GLB1: variants seen among roughly 807,000 people sequenced by gnomAD.
GLB1 encodes the protein beta-galactosidase.
A neutral mutation model predicts 74.0 loss-of-function variants in GLB1; 56 were observed. That is an observed-to-expected ratio of 0.76 (90% CI 0.61 to 0.94). GLB1 has a LOEUF of 0.94. GLB1 is among the 40% of genes least tolerant of loss of function. The probability of loss-of-function intolerance (pLI) is 0.00; values close to 1 mark genes in which losing one functional copy is unlikely to be tolerated. For missense variants in GLB1, 787 were observed against 845.5 expected (o/e 0.93, Z 0.86); for synonymous variants, 323 against 323.6 (o/e 1.00, Z 0.02).
At chr3:32,980,650 G>A in the GLB1 span, among the ~76,000 whole-genome samples, 37 of 151,778 alleles carry the variant, frequency 2.4e-4, no homozygotes, top group Admixed American at 4.6e-4. Context: ...GCATGGTGGC[G>A]TGTGCCTGTA....
intron 15 of GLB1, among the ~76,000 whole-genome samples, chr3:33,000,392 A>C (rs1160245818): frequency 1.3e-5 from 2 of 152,228 alleles, no homozygotes; most frequent in Non-Finnish European, 2.9e-5. Flanking sequence ...AATTAATTTA[A>C]ACTTAACCAT....
intron 15 of GLB1, among the ~76,000 whole-genome samples, chr3:33,013,376 T>C (rs1441450236): frequency 2.0e-5 from 3 of 152,140 alleles, no homozygotes; most frequent in Admixed American, 1.3e-4. Flanking sequence ...GAAAGTTCCA[T>C]GAGGGAAAGG....
chr3:33,021,607 T>A lies in GLB1; in HGVS notation c.1192A>T (p.Ile398Phe). The change falls in exon 12 of 16, where the codon ATC (isoleucine) becomes TTC (phenylalanine). Residue 398 changes from isoleucine to phenylalanine, a missense_variant. Physicochemically the swap from Ile to Phe is conservative, Grantham distance 21 (BLOSUM62 0). Transcript: ENST00000307363. Reference protein sequence around the residue: ...ALDILCPSGPIKSLYPLTFIQ... With the variant: ...ALDILCPSGPFKSLYPLTFIQ... ...AATGTCAAGGGATAAAGGCTTTTGA[T>A]GGGCCCAGAGGGACACAGAATGTCC... 6.2e-7 allele frequency: 1 copy of A among 1,614,102 alleles called. No individual in the cohort carries two copies.
chr3:33,053,620 C>A, intron 6 of GLB1, 71 bp from the exon 7 acceptor site: 16 of 1,602,498 alleles, frequency 1.0e-5, no homozygotes, highest in Non-Finnish European at 1.3e-5. Context: ...AAGAGCCCTT[C>A]ATGGGACTCG....
chr3:33,010,264 T>G (rs1696968163), intron 15 of GLB1, among the ~76,000 whole-genome samples: 1 of 152,236 alleles, frequency 6.6e-6, no homozygotes, highest in Non-Finnish European at 1.5e-5. Context: ...ATTGTCCTTC[T>G]TACTATTTAG....
chr3:33,010,057 T>C (rs1045579320), intron 15 of GLB1, among the ~76,000 whole-genome samples: 5 of 152,212 alleles, frequency 3.3e-5, no homozygotes, highest in African/African-American at 4.8e-5. Context: ...CTATAAACAC[T>C]TGCATGTAAG....
intron 1 of GLB1, chr3:33,091,688 G>A: frequency 2.0e-6 from 2 of 985,166 alleles, no homozygotes; most frequent in Non-Finnish European, 1.2e-6. Flanking sequence ...GCTGAGTGAG[G>A]GAAAGTCACC....
At chr3:33,096,670 A>C in intron 1 of GLB1, 1 of 1,133,994 alleles carries the variant, frequency 8.8e-7, no homozygotes, top group Non-Finnish European at 1.1e-6. Context: ...AACCCGCGCA[A>C]CTTGGAATCC....
At chr3:33,006,828 T>G (rs1696807525) in intron 15 of GLB1, among the ~76,000 whole-genome samples, 1 of 152,218 alleles carries the variant, frequency 6.6e-6, no homozygotes, top group Non-Finnish European at 1.5e-5. Context: ...TAGAGTCCTG[T>G]GCCAGGGCCT....
Position 33,043,718 on chromosome 3 carries a change from G to A in GLB1, c.1068+2402C>T, listed in dbSNP as rs189851265. Among the ~76,000 whole-genome samples the A allele has an allele frequency of 7.1e-3, 386 of 54,062 alleles. 1 individual carries two copies. Among genetic ancestry groups the A allele is most frequent in the African/African-American group, 0.018 (354 of 19,220 alleles). 35.5% of individuals were successfully genotyped at this position (54,062 alleles called of 152,430 possible). On this transcript the variant is annotated intron_variant, in intron 10 of 15. Transcript: ENST00000307363. ...AATTCGATTATATCCTGTTTATAAG[G>A]GACACATGTAAACAGAACAAAGGAT...
intron 1 of GLB1, among the ~76,000 whole-genome samples, chr3:33,076,151 T>C (rs1575480072): frequency 1.3e-5 from 2 of 152,050 alleles, no homozygotes; most frequent in African/African-American, 4.8e-5. Context: ...GCCTAGATGA[T>C]GTAATGTGCA....
intron 5 of GLB1, among the ~76,000 whole-genome samples, chr3:33,059,650 A>C (rs1469904682): frequency 6.6e-6 from 1 of 152,186 alleles, no homozygotes; most frequent in Non-Finnish European, 1.5e-5. Flanking sequence ...GGACAGTGGG[A>C]CGAAATGGTG....
intron 1 of GLB1, chr3:33,096,317 C>G: frequency 1.1e-6 from 1 of 908,560 alleles, no homozygotes; most frequent in Non-Finnish European, 1.3e-6. Context: ...CTCCCACCAA[C>G]TGTGCACGCC....
rs376544604 is a variant in GLB1 at position 33,024,236 on chromosome 3, AT to A, written c.1143+14del. On this transcript the variant is annotated intron_variant, in intron 11 of 15. Transcript: ENST00000307363. ...ATCTCTCACTTTCAAAGTTTCTGTT[AT>A]TTTTTTTTCTTACCTTTTCCAAAGT... The A allele has an allele frequency of 1.2e-4, 196 of 1,586,486 alleles. No homozygotes were observed. The highest frequency in any genetic ancestry group is 7.7e-4 in the African/African-American group (57 of 74,420).
chr3:33,067,430 C>T (rs1350039012), intron 4 of GLB1, among the ~76,000 whole-genome samples: 2 of 146,984 alleles, frequency 1.4e-5, no homozygotes, highest in Non-Finnish European at 3.0e-5. Context: ...TCCCGGACTA[C>T]AGGCATGTGC....
At chr3:33,075,094 A>G (rs572084630) in intron 1 of GLB1, among the ~76,000 whole-genome samples, 1 of 152,244 alleles carries the variant, frequency 6.6e-6, no homozygotes, top group Admixed American at 6.5e-5. Flanking sequence ...AAAGTCCCCT[A>G]AACTCACAAA....
chr3:33,068,674 CT>C (rs1699783512), intron 3 of GLB1, 145 bp downstream of exon 3: 1 of 1,493,484 alleles, frequency 6.7e-7, no homozygotes, highest in Non-Finnish European at 9.1e-7. Context: ...GCCTGGGCAC[CT>C]TGTCAAGGTA....
chr3:33,051,690 A>T, intron 9 of GLB1, 68 bp downstream of exon 9: 1 of 1,608,636 alleles, frequency 6.2e-7, no homozygotes, highest in Non-Finnish European at 8.5e-7. Flanking sequence ...CTGTGGGCAC[A>T]CCCCTCCTCA....
chr3:33,022,368 T>C (rs1697525693), intron 11 of GLB1, among the ~76,000 whole-genome samples: 1 of 152,020 alleles, frequency 6.6e-6, no homozygotes, highest in South Asian at 2.1e-4. Flanking sequence ...ATTGCCTGTC[T>C]ACACACTCCA....
Sources: gnomAD v4.1 joint callset for allele counts (sites outside exome capture counted in the v4.1 genomes callset) on GRCh38, gnomAD v4.1.1 for gene constraint, MANE v1.5 for transcripts, NCBI Gene and HGNC (gene_info 2026-07-23, HGNC 2026-07-21) for gene names.